Variants in PCCA observed in about 807,000 individuals in gnomAD.
PCCA encodes propionyl-CoA carboxylase alpha chain, mitochondrial.
Under a neutral mutation model 101.3 loss-of-function variants are expected in PCCA, and 74 were observed. That is an observed-to-expected ratio of 0.73 (90% CI 0.61 to 0.89). PCCA has a LOEUF of 0.89. PCCA is among the 40% of genes least tolerant of loss of function. PCCA has a pLI of 0.00. For synonymous variants in PCCA, 294 were observed against 313.6 expected (o/e 0.94, Z 0.66); for missense variants, 891 against 907.0 (o/e 0.98, Z 0.23).
rs571970218 is a variant in PCCA at position 100,266,319 on chromosome 13, C to A, written c.820-2370C>A. On this transcript the variant is annotated intron_variant, in intron 10 of 23. Transcript: ENST00000376285. ...TTTGTTATTTTGTGTTAAATAATTA[C>A]ATACCTAGATCAGCTTTTTAGTTTA... 3.3e-5 allele frequency among the ~76,000 whole-genome samples: 5 copies of A among 152,300 alleles called. No individual in the cohort carries two copies. In the East Asian group the frequency reaches 9.6e-4, roughly 29 times the overall value.
chr13:100,256,096 C>T (rs1236171751), intron 8 of PCCA, among the ~76,000 whole-genome samples: 1 of 152,128 alleles, frequency 6.6e-6, no homozygotes, highest in Non-Finnish European at 1.5e-5. Context: ...CAATCTCCGC[C>T]TCCCAGGTTC....
At chr13:100,456,552 A>G (rs7334376) in intron 21 of PCCA, among the ~76,000 whole-genome samples, 15,750 of 152,104 alleles carry the variant, frequency 0.1, 1,342 homozygotes, top group African/African-American at 0.23. Flanking sequence ...GTACAAGACC[A>G]GGGGGCAGGG....
At chr13:100,102,295 G>T (rs762591225) in intron 1 of PCCA, among the ~76,000 whole-genome samples, 17 of 151,974 alleles carry the variant, frequency 1.1e-4, no homozygotes, top group Non-Finnish European at 2.4e-4. Context: ...CTGTACCACC[G>T]TGCCTGGCTT....
intron 21 of PCCA, among the ~76,000 whole-genome samples, chr13:100,503,091 A>C (rs781682077): frequency 3.3e-5 from 5 of 152,134 alleles, no homozygotes; most frequent in Non-Finnish European, 5.9e-5. Context: ...GTCCAGTGGG[A>C]GTTGTCTGGA....
intron 4 of PCCA, among the ~76,000 whole-genome samples, chr13:100,146,672 T>TA (rs968851562): frequency 6.6e-6 from 1 of 151,980 alleles, no homozygotes; most frequent in Non-Finnish European, 1.5e-5. Flanking sequence ...AAATGCGAAT[T>TA]AAAAAAATGA....
intron 4 of PCCA, among the ~76,000 whole-genome samples, chr13:100,147,177 T>C (rs1219239496): frequency 6.6e-6 from 1 of 152,224 alleles, no homozygotes; most frequent in African/African-American, 2.4e-5. Context: ...GCAAAACTGA[T>C]CATGGCTGGA....
intron 19 of PCCA, among the ~76,000 whole-genome samples, chr13:100,392,110 G>T (rs909013098): frequency 2.0e-5 from 3 of 152,056 alleles, no homozygotes; most frequent in Admixed American, 6.5e-5. Flanking sequence ...TAAAATAGGA[G>T]CTTTGTAAAG....
intron 16 of PCCA, among the ~76,000 whole-genome samples, chr13:100,318,212 C>T (rs1046184009): frequency 6.6e-6 from 1 of 152,160 alleles, no homozygotes; most frequent in African/African-American, 2.4e-5. Flanking sequence ...GGCCTTTTCA[C>T]TGCACCCAGC....
At chr13:100,290,820 A>G (rs947085370) in intron 12 of PCCA, among the ~76,000 whole-genome samples, 1 of 152,156 alleles carries the variant, frequency 6.6e-6, no homozygotes, top group African/African-American at 2.4e-5. Flanking sequence ...TTGATCTTCC[A>G]GGTTACTAAT....
chr13:100,415,305 G>A lies in PCCA; in HGVS notation c.1747-10328G>A, dbSNP rs543311529. On this transcript the variant is annotated intron_variant, in intron 19 of 23. Coordinates refer to ENST00000376285, the MANE Select transcript of PCCA (RefSeq NM_000282.4). ...ATCTGTAACCCCAGCTACTCAACCC[G>A]CTGATGTGGGCAAATTGCTTGAGCC... Among the ~76,000 whole-genome samples, 10 of 151,750 alleles carry A rather than the reference G, an allele frequency of 6.6e-5. No individual in the cohort carries two copies. The South Asian group carries it at 1.7e-3, about 25-fold the overall frequency.
chr13:100,430,864 A>G (rs546812670), intron 20 of PCCA, among the ~76,000 whole-genome samples: 28 of 152,334 alleles, frequency 1.8e-4, no homozygotes, highest in African/African-American at 6.5e-4. Context: ...AATGAGAACA[A>G]TGAACTAACC....
chr13:100,417,528 A>G (rs1448192607), intron 19 of PCCA, among the ~76,000 whole-genome samples: 1 of 152,152 alleles, frequency 6.6e-6, no homozygotes, highest in Non-Finnish European at 1.5e-5. Context: ...GATATGGAAG[A>G]TGTATGTGGG....
intron 21 of PCCA, among the ~76,000 whole-genome samples, chr13:100,498,574 G>C (rs1471789967): frequency 1.3e-5 from 2 of 152,182 alleles, no homozygotes; most frequent in Non-Finnish European, 2.9e-5. Flanking sequence ...TCACAACGCT[G>C]TACAACCATC....
intron 22 of PCCA, among the ~76,000 whole-genome samples, chr13:100,516,745 G>GTA (rs1433508098): frequency 7.5e-6 from 1 of 132,942 alleles, no homozygotes; most frequent in Non-Finnish European, 1.7e-5. Context: ...ACGTGTGTGT[G>GTA]TGTGTGTGTG....
intron 17 of PCCA, among the ~76,000 whole-genome samples, chr13:100,337,079 T>TA (rs1164091725): frequency 2.0e-5 from 3 of 152,138 alleles, no homozygotes; most frequent in Non-Finnish European, 2.9e-5. Flanking sequence ...TCACACTCGC[T>TA]AAAAGGGGTA....
At position 100,264,181 on chromosome 13, in the gene PCCA, G is replaced by A. The variant is rs187592858; in HGVS notation, c.819+1350G>A. ...TATGGTATCTGTATATCGTATATAT[G>A]TGATATCTGTATATCATATATGTGA... On this transcript the variant is annotated intron_variant, in intron 10 of 23. Coordinates refer to ENST00000376285, the MANE Select transcript of PCCA (RefSeq NM_000282.4). 5.4e-5 allele frequency among the ~76,000 whole-genome samples: 3 copies of A among 55,316 alleles called. 1 individual carries two copies. Among genetic ancestry groups the A allele is most frequent in the Non-Finnish European group, 1.3e-4 (3 of 22,994 alleles). The allele number at this position is 55,316 out of a possible 152,430, so 36.3% of individuals were successfully genotyped here.
chr13:100,238,802 A>G (rs570804091), intron 8 of PCCA, among the ~76,000 whole-genome samples: 1 of 152,148 alleles, frequency 6.6e-6, no homozygotes, highest in Non-Finnish European at 1.5e-5. Flanking sequence ...TACTGATTTT[A>G]TTGAGATATA....
At chr13:100,419,201 A>G (rs958468024) in intron 19 of PCCA, among the ~76,000 whole-genome samples, 2 of 151,462 alleles carry the variant, frequency 1.3e-5, no homozygotes, top group Non-Finnish European at 2.9e-5. Context: ...GCTGGGTGTG[A>G]TGGCTCACGC....
At chr13:100,346,723 AG>A (rs2072283664) in intron 18 of PCCA, among the ~76,000 whole-genome samples, 1 of 152,204 alleles carries the variant, frequency 6.6e-6, no homozygotes, top group African/African-American at 2.4e-5. Context: ...CAATTGGTTT[AG>A]CAAACTTTAT....
Sources: gnomAD v4.1 joint callset for allele counts (sites outside exome capture counted in the v4.1 genomes callset) on GRCh38, gnomAD v4.1.1 for gene constraint, MANE v1.5 for transcripts, NCBI Gene and HGNC (gene_info 2026-07-23, HGNC 2026-07-21) for gene names.